PCDH15: variants seen among roughly 807,000 people sequenced by gnomAD.
PCDH15 encodes the protein protocadherin-15.
PCDH15 carries 129 observed loss-of-function variants against 178.5 expected under a neutral mutation model. The ratio of observed to expected loss-of-function variants is 0.72; its 90% CI spans 0.63 to 0.84. The LOEUF is 0.84. Ranked by LOEUF, PCDH15 falls within the 40% of genes least tolerant of loss-of-function variation. PCDH15 has a pLI of 0.00. For synonymous variants in PCDH15, 800 were observed against 732.0 expected (o/e 1.09, Z -1.50); for missense variants, 2,230 against 2,099.9 (o/e 1.06, Z -1.21).
chr10:54,328,329 G>T (rs997507348), intron 7 of PCDH15, among the ~76,000 whole-genome samples: 14 of 151,694 alleles, frequency 9.2e-5, no homozygotes, highest in East Asian at 1.9e-4. Flanking sequence ...ATTTCTTAAC[G>T]GTTATTTCAA....
At chr10:54,108,754 G>A (rs1171438919) in intron 15 of PCDH15, among the ~76,000 whole-genome samples, 1 of 152,142 alleles carries the variant, frequency 6.6e-6, no homozygotes, top group African/African-American at 2.4e-5. Context: ...GAGGAGAGAA[G>A]AGGGAATTGT....
chr10:55,161,219 T>A (rs183704936), intron 2 of PCDH15, among the ~76,000 whole-genome samples: 67 of 152,274 alleles, frequency 4.4e-4, no homozygotes, highest in Admixed American at 1.4e-3. Context: ...CCCTTCTTCA[T>A]GCCCTCCTCT....
chr10:53,833,731 A>G (rs2077145244), intron 29 of PCDH15, among the ~76,000 whole-genome samples: 2 of 152,066 alleles, frequency 1.3e-5, no homozygotes, highest in Admixed American at 1.3e-4. Flanking sequence ...AAATACTACA[A>G]TTTTAACCTC....
At chr10:54,898,839 C>G (rs1458215590) in intron 2 of PCDH15, among the ~76,000 whole-genome samples, 1 of 152,006 alleles carries the variant, frequency 6.6e-6, no homozygotes, top group African/African-American at 2.4e-5. Flanking sequence ...TTAAAAAATA[C>G]AAAACTGGTA....
intron 3 of PCDH15, among the ~76,000 whole-genome samples, chr10:54,875,761 GA>G (rs1954128724): frequency 6.6e-6 from 1 of 152,162 alleles, no homozygotes; most frequent in Non-Finnish European, 1.5e-5. Flanking sequence ...AGCTGCAGAA[GA>G]AAAGGTTGAA....
At chr10:54,992,935 T>A (rs1839539380) in intron 2 of PCDH15, among the ~76,000 whole-genome samples, 1 of 152,170 alleles carries the variant, frequency 6.6e-6, no homozygotes, top group Non-Finnish European at 1.5e-5. Context: ...AGATAATGTT[T>A]GCTGCTCTTT....
chr10:54,601,585 G>GT (rs2092536878), intron 2 of PCDH15, among the ~76,000 whole-genome samples: 1 of 151,976 alleles, frequency 6.6e-6, no homozygotes, highest in Non-Finnish European at 1.5e-5. Flanking sequence ...CTTTTACACT[G>GT]TTGGTGGGAG....
intron 20 of PCDH15, among the ~76,000 whole-genome samples, chr10:54,008,028 A>G (rs4935487): frequency 0.56 from 85,735 of 151,954 alleles, 25,448 homozygotes; most frequent in South Asian, 0.7. Flanking sequence ...TATGGGCCTC[A>G]GTAGTATATA....
At chr10:54,431,183 A>T (rs1282290509) in intron 3 of PCDH15, among the ~76,000 whole-genome samples, 1 of 152,172 alleles carries the variant, frequency 6.6e-6, no homozygotes, top group Non-Finnish European at 1.5e-5. Flanking sequence ...CCACACATTT[A>T]AAGAACTAAT....
intron 28 of PCDH15, among the ~76,000 whole-genome samples, chr10:53,841,244 C>G (rs1311010073): frequency 6.6e-6 from 1 of 151,842 alleles, no homozygotes; most frequent in Non-Finnish European, 1.5e-5. Context: ...ATATTATTAA[C>G]CCAAGTATAT....
intron 21 of PCDH15, among the ~76,000 whole-genome samples, chr10:53,990,804 T>C (rs1798606309): frequency 6.6e-6 from 1 of 151,228 alleles, no homozygotes; most frequent in African/African-American, 2.4e-5. Flanking sequence ...TGCAGGGAGG[T>C]GTGGAGGGAG....
intron 2 of PCDH15, among the ~76,000 whole-genome samples, chr10:54,581,193 C>T (rs2133791231): frequency 6.6e-6 from 1 of 152,126 alleles, no homozygotes; most frequent in Admixed American, 6.6e-5. Flanking sequence ...CTAAGGAAAC[C>T]TCAAAGACTC....
Position 55,529,741 on chromosome 10 carries a change from GTATA to G in PCDH15, c.-156+97880_-156+97883del, listed in dbSNP as rs56254743. On this transcript the variant is annotated intron_variant, in intron 2 of 5. Transcript: ENST00000613346. ...TATATATATATGTGTTTGTCTGTGAGTATATATATATATATATATATATATATAT... is the reference window on the plus strand; with the variant it reads ...TATATATATATGTGTTTGTCTGTGAGTATATATATATATATATATATATAT... Among the ~76,000 whole-genome samples the G allele has an allele frequency of 9.1e-3, 571 of 62,744 alleles. 6 individuals are homozygous for G. Among genetic ancestry groups the G allele is most frequent in the African/African-American group, 0.02 (364 of 18,138 alleles). The allele number at this position is 62,744 out of a possible 152,430, so 41.2% of individuals were successfully genotyped here.
At chr10:53,917,819 C>G (rs537938901) in intron 25 of PCDH15, among the ~76,000 whole-genome samples, 17 of 152,050 alleles carry the variant, frequency 1.1e-4, no homozygotes, top group Non-Finnish European at 1.6e-4. Context: ...GTGGACCCCT[C>G]GTGAATGGCT....
chr10:54,106,338 G>A (rs2094917379), intron 15 of PCDH15, among the ~76,000 whole-genome samples: 1 of 152,168 alleles, frequency 6.6e-6, no homozygotes, highest in South Asian at 2.1e-4. Flanking sequence ...GATGGAGTTA[G>A]CACAGCTTCC....
At chr10:54,761,914 T>C (rs1947927411) in intron 1 of PCDH15, among the ~76,000 whole-genome samples, 1 of 152,084 alleles carries the variant, frequency 6.6e-6, no homozygotes, top group Non-Finnish European at 1.5e-5. Flanking sequence ...GAATAGATAT[T>C]AGTAAAAGTT....
intron 22 of PCDH15, among the ~76,000 whole-genome samples, chr10:53,961,473 T>C (rs2088307339): frequency 6.6e-6 from 1 of 152,090 alleles, no homozygotes; most frequent in Non-Finnish European, 1.5e-5. Context: ...TATAAGACTA[T>C]GTGATTTGAA....
intron 8 of PCDH15, among the ~76,000 whole-genome samples, chr10:54,278,122 C>A (rs983175176): frequency 6.6e-6 from 1 of 151,468 alleles, no homozygotes; most frequent in Non-Finnish European, 1.5e-5. Context: ...CTAATATTAA[C>A]CTCTTTTGTG....
At chr10:54,016,357 C>T (rs1483107702) in intron 20 of PCDH15, among the ~76,000 whole-genome samples, 1 of 151,926 alleles carries the variant, frequency 6.6e-6, no homozygotes, top group Non-Finnish European at 1.5e-5. Context: ...CCATTTGACC[C>T]AGCAATCCCA....
Sources: allele counts gnomAD v4.1 joint callset (sites outside exome capture counted in the v4.1 genomes callset), GRCh38; gene constraint gnomAD v4.1.1; transcripts MANE v1.5; gene names NCBI Gene and HGNC (gene_info 2026-07-23, HGNC 2026-07-21).